Variants in CTNNBL1 observed in about 807,000 individuals in gnomAD.
CTNNBL1 encodes the protein beta-catenin-like protein 1.
A neutral mutation model predicts 72.7 loss-of-function variants in CTNNBL1; 31 were observed. The observed-to-expected ratio is 0.43, with a 90% confidence interval of 0.32 to 0.58. The LOEUF (loss-of-function observed/expected upper bound fraction) is 0.58, where lower values mean the gene tolerates loss of function less well. Ranked by LOEUF, CTNNBL1 falls within the 20% of genes least tolerant of loss-of-function variation. The probability of loss-of-function intolerance (pLI) is 0.08; values close to 1 mark genes in which losing one functional copy is unlikely to be tolerated. For missense variants in CTNNBL1, 534 were observed against 725.1 expected (o/e 0.74, Z 3.03); for synonymous variants, 240 against 267.3 (o/e 0.90, Z 1.00).
intron 5 of CTNNBL1, among the ~76,000 whole-genome samples, chr20:37,759,694 A>C (rs1400931547): frequency 3.9e-5 from 6 of 152,208 alleles, no homozygotes; most frequent in Non-Finnish European, 8.8e-5. Context: ...GGCTGGTAGG[A>C]ATCACAAGCA....
chr20:37,864,249 A>G (rs2072517750), intron 15 of CTNNBL1, among the ~76,000 whole-genome samples: 2 of 151,542 alleles, frequency 1.3e-5, no homozygotes, highest in Non-Finnish European at 2.9e-5. Context: ...CCTCATAAAG[A>G]AAACCAGCTC....
intron 1 of CTNNBL1, among the ~76,000 whole-genome samples, chr20:37,709,248 T>G (rs913697032): frequency 4.6e-5 from 7 of 152,180 alleles, no homozygotes; most frequent in African/African-American, 1.7e-4. Flanking sequence ...TCTTGAACAG[T>G]TTTGCTGGCA....
Position 37,772,296 on chromosome 20 carries a change from A to G in CTNNBL1, c.750+4252A>G, listed in dbSNP as rs576468973. On this transcript the variant is annotated intron_variant, in intron 7 of 15. Transcript: ENST00000361383. ...CAAATTCTTGGGTCCACCCAGACCC[A>G]CTGAGTCTGCAAAGTTGGAGTGGAG... Among the ~76,000 whole-genome samples, 35 of 152,296 alleles carry G rather than the reference A, an allele frequency of 2.3e-4. No homozygotes were observed. The South Asian group carries it at 7.1e-3, about 31-fold the overall frequency.
intron 15 of CTNNBL1, among the ~76,000 whole-genome samples, chr20:37,869,740 C>A (rs186463247): frequency 6.6e-6 from 1 of 152,304 alleles, no homozygotes; most frequent in East Asian, 1.9e-4. Flanking sequence ...CATTACTGGC[C>A]TGAGCAAAGG....
chr20:37,765,270 A>G lies in CTNNBL1; in HGVS notation c.638A>G (p.Asp213Gly). Residue 213 changes from aspartate to glycine, a missense_variant, in exon 6 of 16, where the codon GAT (aspartate) becomes GGT (glycine). Physicochemically the swap from Asp to Gly is moderately conservative, Grantham distance 94 (BLOSUM62 -1). Transcript: ENST00000361383. ...RLDESVKEEA[D>G]GVHNTLAIVE... is the part of the protein sequence containing the mutation. ...GATGAGTCTGTGAAAGAGGAGGCAG[A>G]TGGCGTCCACAACACTCTGGGTGAG... is the stretch of plus-strand genomic sequence containing the variant. The G allele has an allele frequency of 7.7e-6, 12 of 1,551,042 alleles. 1 individual carries two copies. The highest frequency in any genetic ancestry group is 1.0e-5 in the Non-Finnish European group (12 of 1,146,384).
intron 13 of CTNNBL1, among the ~76,000 whole-genome samples, chr20:37,858,075 T>A (rs2072458729): frequency 6.6e-6 from 1 of 152,204 alleles, no homozygotes; most frequent in South Asian, 2.1e-4. Context: ...CATGCACCTG[T>A]AGTCCTAGCT....
intron 6 of CTNNBL1, among the ~76,000 whole-genome samples, chr20:37,766,999 C>T (rs372065035): frequency 1.4e-4 from 22 of 152,276 alleles, no homozygotes; most frequent in Non-Finnish European, 2.2e-4. Flanking sequence ...CCCACAGCTT[C>T]GTGCTTCCCC....
At chr20:37,793,932 CACCACGCCCAGCTAA>C (rs1354596295) in intron 10 of CTNNBL1, among the ~76,000 whole-genome samples, 1 of 152,104 alleles carries the variant, frequency 6.6e-6, no homozygotes, top group Non-Finnish European at 1.5e-5. Flanking sequence ...AGGCATGTGC[CACCACGCCCAGCTAA>C]TTTTTGTATT....
At chr20:37,806,884 G>A (rs1280992824) in intron 11 of CTNNBL1, among the ~76,000 whole-genome samples, 2 of 152,178 alleles carry the variant, frequency 1.3e-5, no homozygotes, top group African/African-American at 4.8e-5. Context: ...TTGTAGCCAT[G>A]GGAATTCAGG....
At chr20:37,708,195 T>G (rs1020057963) in intron 1 of CTNNBL1, among the ~76,000 whole-genome samples, 1 of 152,122 alleles carries the variant, frequency 6.6e-6, no homozygotes, top group Non-Finnish European at 1.5e-5. Context: ...CTTTCTTTTT[T>G]TTTTTTTTGG....
chr20:37,798,178 T>C (rs2073795149), intron 10 of CTNNBL1, among the ~76,000 whole-genome samples: 3 of 152,220 alleles, frequency 2.0e-5, no homozygotes, highest in Admixed American at 2.0e-4. Context: ...ACCTGCTAGG[T>C]ACCTCATAAA....
chr20:37,720,619 A>G (rs2073032266), intron 1 of CTNNBL1, among the ~76,000 whole-genome samples: 1 of 152,232 alleles, frequency 6.6e-6, no homozygotes, highest in South Asian at 2.1e-4. Context: ...TAGAGGTCTA[A>G]ATAGTCCAGC....
chr20:37,771,568 C>CTT (rs11477083), intron 7 of CTNNBL1, among the ~76,000 whole-genome samples: 7 of 146,888 alleles, frequency 4.8e-5, no homozygotes, highest in African/African-American at 1.8e-4. Flanking sequence ...TTTTAGATAC[C>CTT]TTTTTTTTTT....
chr20:37,806,554 G>A (rs759201028), intron 11 of CTNNBL1, among the ~76,000 whole-genome samples: 7 of 152,172 alleles, frequency 4.6e-5, no homozygotes, highest in Non-Finnish European at 1.0e-4. Context: ...AGCAGGTTTT[G>A]GGGGAAAGCT....
At chr20:37,851,671 T>G (rs190879643) in intron 13 of CTNNBL1, among the ~76,000 whole-genome samples, 1 of 152,214 alleles carries the variant, frequency 6.6e-6, no homozygotes, top group Non-Finnish European at 1.5e-5. Context: ...TTAGGAGAGA[T>G]TCATCTCTTT....
chr20:37,716,904 T>TATAA (rs2072991109), intron 1 of CTNNBL1, among the ~76,000 whole-genome samples: 1 of 152,226 alleles, frequency 6.6e-6, no homozygotes, highest in African/African-American at 2.4e-5. Flanking sequence ...TATGGATACA[T>TATAA]TTTAAGCTTT....
chr20:37,794,120 A>G (rs2122719106), intron 10 of CTNNBL1, among the ~76,000 whole-genome samples: 1 of 152,334 alleles, frequency 6.6e-6, no homozygotes, highest in African/African-American at 2.4e-5. Context: ...TTGAAAATAA[A>G]GAGAAAAAGT....
chr20:37,804,444 C>G (rs546314717), intron 11 of CTNNBL1, among the ~76,000 whole-genome samples: 1 of 152,190 alleles, frequency 6.6e-6, no homozygotes, highest in African/African-American at 2.4e-5. Context: ...GGGAAGGCAG[C>G]CGAGCTGTGG....
intron 5 of CTNNBL1, among the ~76,000 whole-genome samples, chr20:37,758,455 C>T (rs754293961): frequency 6.6e-6 from 1 of 152,226 alleles, no homozygotes; most frequent in Non-Finnish European, 1.5e-5. Context: ...TGAAGCCTCC[C>T]GCTGGGTCGC....
Sources: gnomAD v4.1 joint callset for allele counts (sites outside exome capture counted in the v4.1 genomes callset) on GRCh38, gnomAD v4.1.1 for gene constraint, MANE v1.5 for transcripts, NCBI Gene and HGNC (gene_info 2026-07-23, HGNC 2026-07-21) for gene names.